The following DDX60L variants were observed in gnomAD, a reference collection of about 807,000 sequenced individuals.
The protein encoded by DDX60L is probable ATP-dependent RNA helicase DDX60-like.
DDX60L carries 191 observed loss-of-function variants against 211.6 expected under a neutral mutation model. That is an observed-to-expected ratio of 0.90 (90% CI 0.80 to 1.02). DDX60L has a LOEUF of 1.02. Among genes scored for constraint, DDX60L ranks in the 50% least tolerant of loss-of-function variants. The pLI is 0.00. For missense variants in DDX60L, 2,007 were observed against 1,984.1 expected (o/e 1.01, Z -0.22); for synonymous variants, 706 against 694.1 (o/e 1.02, Z -0.27).
intron 9 of DDX60L, among the ~76,000 whole-genome samples, chr4:168,444,812 G>C (rs1020208642): frequency 8.3e-6 from 1 of 120,026 alleles, no homozygotes; most frequent in Admixed American, 9.0e-5. Context: ...CAGAAATAAA[G>C]ATGTTCTTTG....
Position 168,371,614 on chromosome 4 carries a change from A to AT in DDX60L, c.4925dup (p.Asn1642LysfsTer24). 5 of 1,545,090 alleles carry AT rather than the reference A, an allele frequency of 3.2e-6. No individual in the cohort carries two copies. The highest frequency in any genetic ancestry group is 2.4e-5 in the East Asian group (1 of 40,982). On this transcript the variant is annotated frameshift_variant, in exon 36 of 38. Transcript: ENST00000682922. LOFTEE classifies it high-confidence loss of function. ...CAGAAACATACCCATAAACTTACCC[A>AT]TTTTTTTGGTCTAATCTTGTCAAGC...
chr4:168,437,983 C>T (rs1470046507), intron 10 of DDX60L, among the ~76,000 whole-genome samples: 1 of 152,156 alleles, frequency 6.6e-6, no homozygotes, highest in Non-Finnish European at 1.5e-5. Context: ...AAGCGATTCT[C>T]CTGCCTCAGC....
intron 37 of DDX60L, among the ~76,000 whole-genome samples, chr4:168,359,560 T>C (rs559313651): frequency 1.3e-5 from 2 of 152,196 alleles, no homozygotes; most frequent in East Asian, 1.9e-4. Context: ...ACCTGGAATA[T>C]GGGTATAGCC....
At chr4:168,364,372 T>C (rs1484341576) in intron 36 of DDX60L, among the ~76,000 whole-genome samples, 2 of 152,214 alleles carry the variant, frequency 1.3e-5, no homozygotes, top group Non-Finnish European at 2.9e-5. Context: ...TGTAATTCTA[T>C]ATACCAAAAC....
intron 34 of DDX60L, among the ~76,000 whole-genome samples, chr4:168,374,139 T>C (rs1741518051): frequency 6.6e-6 from 1 of 151,844 alleles, no homozygotes; most frequent in African/African-American, 2.4e-5. Context: ...AAACAGAGGT[T>C]CTGTCCAGCG....
At position 168,461,944 on chromosome 4, in the gene DDX60L, T is replaced by C. The variant is rs1419426937; in HGVS notation, c.361A>G (p.Thr121Ala). 3 of 1,613,144 alleles carry C rather than the reference T, an allele frequency of 1.9e-6. No individual in the cohort carries two copies. In the East Asian group the frequency reaches 6.7e-5, roughly 36 times the overall value. The change falls in exon 5 of 38, where the codon ACG becomes GCG. Residue 121 changes from threonine (T) to alanine (A), a missense_variant. Coordinates refer to ENST00000682922, the MANE Select transcript of DDX60L (RefSeq NM_001012967.3). Reference sequence around the variant, plus strand: ...TGTGATAAGCATCCAGAAAACTCCGTTTGCACATCAATGTTAGTATTGTGT... The same window carrying C: ...TGTGATAAGCATCCAGAAAACTCCGCTTGCACATCAATGTTAGTATTGTGT... ...LQHNTNIDVQ[T>A]EFSGCLSQDW...
At chr4:168,378,594 T>C (rs1742373424) in intron 32 of DDX60L, 119 bp from the exon 33 acceptor site, 1 of 672,570 alleles carries the variant, frequency 1.5e-6, no homozygotes, top group Non-Finnish European at 2.4e-6. Flanking sequence ...CTAGCAAATA[T>C]ATACCTCAGA....
intron 29 of DDX60L, chr4:168,390,199 TA>T: frequency 9.8e-7 from 1 of 1,015,714 alleles, no homozygotes; most frequent in South Asian, 4.6e-5. Context: ...CCATAGTAAA[TA>T]AATGATGTTG....
chr4:168,453,337 T>C, intron 7 of DDX60L, 55 bp from the exon 8 acceptor site: 2 of 1,529,634 alleles, frequency 1.3e-6, no homozygotes, highest in South Asian at 1.3e-5. Flanking sequence ...TGAAATGGCA[T>C]TGAAATAGGC....
Position 168,358,000 on chromosome 4 carries a change from T to C in DDX60L, c.*147A>G. 1 of 698,534 alleles carries C rather than the reference T, an allele frequency of 1.4e-6. No individual in the cohort carries two copies. The highest frequency in any genetic ancestry group is 2.3e-6 in the Non-Finnish European group (1 of 428,676). The allele number at this position is 698,534 out of a possible 1,614,324, so 43.3% of individuals were successfully genotyped here. Reference sequence around the variant, plus strand: ...TATTACATAACTTAAAGTCATTCAGTTAGAAAATAGCAGAGCTGATATCTG... The same window carrying C: ...TATTACATAACTTAAAGTCATTCAGCTAGAAAATAGCAGAGCTGATATCTG... On this transcript the variant is annotated 3_prime_UTR_variant, in exon 38 of 38. Coordinates refer to ENST00000682922, the MANE Select transcript of DDX60L (RefSeq NM_001012967.3).
chr4:168,399,237 G>T (rs1746359658), intron 26 of DDX60L, among the ~76,000 whole-genome samples: 1 of 151,016 alleles, frequency 6.6e-6, no homozygotes, highest in Non-Finnish European at 1.5e-5. Context: ...TGATGAGCTG[G>T]AGAGAAGAGA....
chr4:168,442,670 C>T (rs1278900922), intron 9 of DDX60L, among the ~76,000 whole-genome samples: 1 of 151,782 alleles, frequency 6.6e-6, no homozygotes, highest in African/African-American at 2.4e-5. Flanking sequence ...CAGCACGCAG[C>T]TGGAGATCTG....
In DDX60L at chr4:168,416,622, T is replaced by C. The variant is rs1379730706; in HGVS notation, c.2726+60A>G. 3 of 974,794 alleles carry C rather than the reference T, an allele frequency of 3.1e-6. No individual in the cohort carries two copies. In the African/African-American group the frequency reaches 5.0e-5, roughly 16 times the overall value. 60.4% of individuals were successfully genotyped at this position (974,794 alleles called of 1,614,324 possible). A position where few individuals can be genotyped will look rare whatever the true frequency, so the allele number is the denominator to read the frequency against. ...AAAACCTTAAAGACTTCAGACCATA[T>C]AGACAGTATATAATTCAACCACTGA... On this transcript the variant is annotated intron_variant, in intron 20 of 37. Coordinates refer to ENST00000682922, the MANE Select transcript of DDX60L (RefSeq NM_001012967.3).
At chr4:168,443,672 G>A (rs375696100) in intron 9 of DDX60L, among the ~76,000 whole-genome samples, 16 of 150,686 alleles carry the variant, frequency 1.1e-4, no homozygotes, top group South Asian at 4.2e-4. Flanking sequence ...GACTAACAGC[G>A]GATCTCTCGG....
chr4:168,402,256 C>T (rs750290338), intron 25 of DDX60L, among the ~76,000 whole-genome samples: 1 of 151,206 alleles, frequency 6.6e-6, no homozygotes, highest in African/African-American at 2.4e-5. Context: ...TCCGTGTTCA[C>T]AGTAATAGAA....
At chr4:168,442,542 G>A (rs866067559) in intron 9 of DDX60L, among the ~76,000 whole-genome samples, 2,273 of 152,324 alleles carry the variant, frequency 0.015, 65 homozygotes, top group African/African-American at 0.051. Flanking sequence ...AAGGAGGCCT[G>A]CCTGCCTCTG....
chr4:168,417,598 C>A, intron 19 of DDX60L, among the ~76,000 whole-genome samples: 1 of 152,122 alleles, frequency 6.6e-6, no homozygotes. Context: ...GTTTGTATCA[C>A]AATGTTTACT....
At chr4:168,464,335 T>C (rs1757690705) in intron 4 of DDX60L, among the ~76,000 whole-genome samples, 1 of 151,898 alleles carries the variant, frequency 6.6e-6, no homozygotes, top group Non-Finnish European at 1.5e-5. Context: ...TCAACCACAA[T>C]GGAATTAAAT....
rs565317274 is a variant in DDX60L at position 168,401,081 on chromosome 4, A to G, written c.3339-103T>C. 7.2e-5 allele frequency: 77 copies of G among 1,063,864 alleles called. 1 individual carries two copies. The highest frequency in any genetic ancestry group is 4.5e-4 in the Middle Eastern group (2 of 4,442). The allele number at this position is 1,063,864 out of a possible 1,614,324, so 65.9% of individuals were successfully genotyped here. On this transcript the variant is annotated intron_variant, in intron 25 of 37. Coordinates refer to ENST00000682922, the MANE Select transcript of DDX60L (RefSeq NM_001012967.3). ...CCCCTCAATCATCTGAATAGACTTC[A>G]TCCTAGGCCAGGGCACTCTAAAATT...
Sources: gnomAD v4.1 joint callset for allele counts (sites outside exome capture counted in the v4.1 genomes callset) on GRCh38, gnomAD v4.1.1 for gene constraint, MANE v1.5 for transcripts, NCBI Gene and HGNC (gene_info 2026-07-23, HGNC 2026-07-21) for gene names.